Variants in DNAH9 observed in about 807,000 individuals in gnomAD.
DNAH9 encodes dynein axonemal heavy chain 9.
Under a neutral mutation model 471.6 loss-of-function variants are expected in DNAH9, and 345 were observed. The observed-to-expected ratio is 0.73, with a 90% CI of 0.67 to 0.80. The LOEUF is 0.80. DNAH9 is among the 30% of genes least tolerant of loss of function. The pLI, the probability that DNAH9 is intolerant of heterozygous loss-of-function variation, is 0.00. For synonymous variants in DNAH9, 2,093 were observed against 2,123.6 expected (o/e 0.99, Z 0.40); for missense variants, 5,407 against 5,609.2 (o/e 0.96, Z 1.15).
intron 29 of DNAH9, among the ~76,000 whole-genome samples, chr17:11,741,280 TG>T (rs2150834747): frequency 6.6e-6 from 1 of 152,308 alleles, no homozygotes; most frequent in Non-Finnish European, 1.5e-5. Context: ...TAAAATCAGA[TG>T]TTTTTAGTGC....
In DNAH9 at chr17:11,678,842, C is replaced by T. The variant is rs185149272; in HGVS notation, c.3354-915C>T. Among the ~76,000 whole-genome samples the T allele has an allele frequency of 3.8e-3, 581 of 152,122 alleles. 3 individuals are homozygous for T. Among genetic ancestry groups the T allele is most frequent in the African/African-American group, 0.013 (541 of 41,518 alleles). On this transcript the variant is annotated intron_variant, in intron 17 of 68. Coordinates refer to ENST00000262442, the MANE Select transcript of DNAH9 (RefSeq NM_001372.4). ...AATGTTGCTCTTGTTTGTTCTATTT[C>T]GTTCTTCTGGCACTTTTGTTATACT...
chr17:11,702,155 C>A (rs1014243453), intron 24 of DNAH9, among the ~76,000 whole-genome samples: 3 of 152,144 alleles, frequency 2.0e-5, no homozygotes, highest in African/African-American at 7.2e-5. Context: ...AGCCCAGGCT[C>A]AGAAGACAGG....
chr17:11,720,339 G>A, intron 27 of DNAH9, among the ~76,000 whole-genome samples: 1 of 151,670 alleles, frequency 6.6e-6, no homozygotes, highest in East Asian at 1.9e-4. Flanking sequence ...ATGTTGGTGT[G>A]CTGCACCCAT....
At chr17:11,633,355 T>C (rs2073103846) in intron 8 of DNAH9, among the ~76,000 whole-genome samples, 1 of 152,206 alleles carries the variant, frequency 6.6e-6, no homozygotes, top group Non-Finnish European at 1.5e-5. Flanking sequence ...TGTGGTTCAG[T>C]AGAGGAAAGA....
At chr17:11,776,478 G>A (rs1968438803) in intron 38 of DNAH9, among the ~76,000 whole-genome samples, 1 of 152,082 alleles carries the variant, frequency 6.6e-6, no homozygotes, top group Non-Finnish European at 1.5e-5. Flanking sequence ...GACCACCCCA[G>A]CTGAAGACTG....
At chr17:11,965,728 G>C (rs1420991808) in intron 68 of DNAH9, among the ~76,000 whole-genome samples, 2 of 152,014 alleles carry the variant, frequency 1.3e-5, no homozygotes, top group Non-Finnish European at 2.9e-5. Flanking sequence ...AAAGAAAATT[G>C]TGTGAACTAT....
Position 11,719,492 on chromosome 17 carries a change from T to C in DNAH9, c.5709+2T>C. On this transcript the variant is annotated splice_donor_variant, in intron 27 of 68. Transcript: ENST00000262442. LOFTEE classifies it high-confidence loss of function. ...TGCTCGGAGCAGATGGATTACAAGG[T>C]ACAGTTCCACCCGGCTTCCTGGGGG... The C allele has an allele frequency of 6.2e-7, 1 of 1,609,748 alleles. No individual in the cohort carries two copies. Among genetic ancestry groups the C allele is most frequent in the South Asian group, 1.1e-5 (1 of 90,746 alleles).
rs758105221 is a variant in DNAH9, at chr17:11,930,004, G to A, written c.12016G>A (p.Gly4006Ser). The A allele has an allele frequency of 8.7e-6, 14 of 1,613,916 alleles. No individual in the cohort carries two copies. The highest frequency in any genetic ancestry group is 1.2e-5 in the Non-Finnish European group (14 of 1,180,022). ...PSPEGHIIPQ[G>S]ILENSIKITN... ...CCCTGAGGGCCACATCATCCCCCAG[G>A]GCATCCTGGAGAACTCCATTAAGAT... The change falls in exon 63 of 69, where the codon GGC becomes AGC. Residue 4006 changes from glycine to serine, a missense_variant. Around this residue, in one of 3 missense-constraint regions of DNAH9, gnomAD observed 4,636 missense variants for 4,900.3 expected, o/e 0.95. Coordinates refer to ENST00000262442, the MANE Select transcript of DNAH9 (RefSeq NM_001372.4).
chr17:11,780,087 C>T (rs1968612255), intron 38 of DNAH9, among the ~76,000 whole-genome samples: 2 of 152,222 alleles, frequency 1.3e-5, no homozygotes. Flanking sequence ...TATCTCCACC[C>T]TATTACTTAA....
intron 55 of DNAH9, chr17:11,882,867 A>T: frequency 3.4e-5 from 32 of 933,090 alleles, no homozygotes; most frequent in Non-Finnish European, 4.1e-5. Flanking sequence ...CACAGAGAAC[A>T]GCAAATCCTG....
intron 22 of DNAH9, among the ~76,000 whole-genome samples, chr17:11,698,302 AT>A: frequency 7.2e-6 from 1 of 138,452 alleles, no homozygotes; most frequent in African/African-American, 2.7e-5. Context: ...TATATATTAG[AT>A]TAGATAGAAA....
At position 11,722,300 on chromosome 17, in the gene DNAH9, C is replaced by T. The variant is rs1239991152; in HGVS notation, c.5709+2810C>T. 2.0e-5 allele frequency among the ~76,000 whole-genome samples: 3 copies of T among 152,180 alleles called. No individual in the cohort carries two copies. In the South Asian group the frequency reaches 6.2e-4, roughly 31 times the overall value. On this transcript the variant is annotated intron_variant, in intron 27 of 68. Coordinates refer to ENST00000262442, the MANE Select transcript of DNAH9 (RefSeq NM_001372.4). ...GGACTGAAAGCCACTGAAAGCATCT[C>T]ACCTTGAAGTGGGGGATGCAGAAAG...
At chr17:11,759,246 A>G (rs1013970671) in intron 35 of DNAH9, among the ~76,000 whole-genome samples, 2 of 152,092 alleles carry the variant, frequency 1.3e-5, no homozygotes, top group Non-Finnish European at 2.9e-5. Context: ...ATTGTATCCA[A>G]TGGGGGTATT....
chr17:11,669,372 C>G lies in DNAH9; in HGVS notation c.2931C>G (p.Val977=), dbSNP rs1337463867. The G allele has an allele frequency of 9.3e-6, 15 of 1,607,778 alleles. No individual in the cohort carries two copies. The highest frequency in any genetic ancestry group is 1.2e-5 in the Non-Finnish European group (14 of 1,176,182). ...SPQNGSPHYQ[V]DLDGIPDLAN... Reference sequence around the variant, plus strand: ...CTGCCGTTGTCTCGCTTCCCCAGGTCGACCTGGACGGTATACCAGATTTGG... The same window carrying G: ...CTGCCGTTGTCTCGCTTCCCCAGGTGGACCTGGACGGTATACCAGATTTGG... Residue 977 remains valine, a splice_region_variant and synonymous_variant, in exon 17 of 69, where the codon GTC becomes GTG. Coordinates refer to ENST00000262442, the MANE Select transcript of DNAH9 (RefSeq NM_001372.4).
intron 61 of DNAH9, among the ~76,000 whole-genome samples, chr17:11,916,369 G>A (rs1348442043): frequency 6.6e-6 from 1 of 152,196 alleles, no homozygotes; most frequent in Non-Finnish European, 1.5e-5. Context: ...CAATATTGCT[G>A]TTCATCAACT....
At chr17:11,891,013 G>T (rs1973033711) in intron 57 of DNAH9, among the ~76,000 whole-genome samples, 1 of 152,008 alleles carries the variant, frequency 6.6e-6, no homozygotes, top group South Asian at 2.1e-4. Context: ...TTAATTGTTT[G>T]TTCTATTCAT....
intron 1 of DNAH9, among the ~76,000 whole-genome samples, chr17:11,605,328 G>A (rs1463619876): frequency 2.6e-5 from 4 of 152,118 alleles, no homozygotes; most frequent in Non-Finnish European, 5.9e-5. Flanking sequence ...TTTCTTGACT[G>A]TCTCTCCCTT....
intron 26 of DNAH9, among the ~76,000 whole-genome samples, chr17:11,707,007 A>G (rs2074714191): frequency 6.6e-6 from 1 of 152,216 alleles, no homozygotes; most frequent in Admixed American, 6.5e-5. Flanking sequence ...TCAGAATGTG[A>G]AATCTGTACT....
At chr17:11,639,635 A>G (rs1311618831) in intron 9 of DNAH9, among the ~76,000 whole-genome samples, 1 of 152,192 alleles carries the variant, frequency 6.6e-6, no homozygotes, top group Non-Finnish European at 1.5e-5. Flanking sequence ...ATTGAGACCC[A>G]GGGTGATTGA....
Sources: gnomAD v4.1 joint callset for allele counts (sites outside exome capture counted in the v4.1 genomes callset) on GRCh38, gnomAD v4.1.1 for gene constraint, gnomAD v4.1.1 regional missense constraint, MANE v1.5 for transcripts, NCBI Gene and HGNC (gene_info 2026-07-23, HGNC 2026-07-21) for gene names.